ZNF273: variants seen among roughly 807,000 people sequenced by gnomAD.
The protein encoded by ZNF273 is zinc finger protein 9.
A neutral mutation model predicts 14.9 loss-of-function variants in ZNF273; 11 were observed. The ratio of observed to expected loss-of-function variants is 0.74; its 90% CI spans 0.46 to 1.22. The LOEUF is 1.22. Among genes scored for constraint, ZNF273 ranks in the 50% most tolerant of loss-of-function variants. The pLI is 0.00. For synonymous variants in ZNF273, 199 were observed against 223.9 expected (o/e 0.89, Z 0.99); for missense variants, 577 against 660.6 (o/e 0.87, Z 1.39).
Position 64,928,113 on chromosome 7 carries a change from A to G in ZNF273, c.785A>G (p.Tyr262Cys), listed in dbSNP as rs753353117. Residue 262 changes from tyrosine (Y) to cysteine (C), a missense_variant, in exon 4 of 4, where the codon TAC (tyrosine) becomes TGC (cysteine). Physicochemically the swap from Tyr to Cys is radical, Grantham distance 194 (BLOSUM62 -2). Coordinates refer to ENST00000476120, the MANE Select transcript of ZNF273 (RefSeq NM_021148.3). ...ATAATTCATCCTGAAGTGAATCCCT[A>G]CAAATGTGAAGAATGTGGCAAAGCC... ...HKIIHPEVNPYKCEECGKAFN... is the reference protein window; with the variant it reads ...HKIIHPEVNPCKCEECGKAFN... The G allele has an allele frequency of 2.6e-5, 42 of 1,613,458 alleles. No individual in the cohort carries two copies. Among genetic ancestry groups the G allele is most frequent in the African/African-American group, 1.6e-4 (12 of 74,926 alleles).
chr7:64,887,174 A>T (rs1791639167), intron 1 of ZNF273, among the ~76,000 whole-genome samples: 1 of 152,178 alleles, frequency 6.6e-6, no homozygotes, highest in African/African-American at 2.4e-5. Flanking sequence ...TAGGTCTATC[A>T]TTATTTTCTG....
intron 1 of ZNF273, 77 bp from the exon 2 acceptor site, chr7:64,917,504 A>T (rs1431934791): frequency 1.9e-6 from 3 of 1,547,600 alleles, no homozygotes; most frequent in Non-Finnish European, 1.8e-6. Flanking sequence ...TTACTTTCGC[A>T]TTCCACCTTG....
chr7:64,907,616 C>T (rs1158341285), intron 1 of ZNF273, among the ~76,000 whole-genome samples: 1 of 152,146 alleles, frequency 6.6e-6, no homozygotes, highest in Non-Finnish European at 1.5e-5. Context: ...GAATCAGGGT[C>T]TGTGCTGACC....
At chr7:64,916,095 C>G (rs752179124) in intron 1 of ZNF273, among the ~76,000 whole-genome samples, 104 of 152,012 alleles carry the variant, frequency 6.8e-4, no homozygotes, top group Non-Finnish European at 1.0e-3. Context: ...ACTAGGGAGA[C>G]TGAGGCAGGA....
chr7:64,899,761 G>GTTTT (rs370557127), upstream of ZNF273, among the ~76,000 whole-genome samples: 1 of 144,820 alleles, frequency 6.9e-6, no homozygotes, highest in Non-Finnish European at 1.5e-5. Context: ...TAATTTCAAG[G>GTTTT]TTTTTTTTTT....
intron 3 of ZNF273, among the ~76,000 whole-genome samples, chr7:64,925,095 C>T (rs909504862): frequency 6.6e-6 from 1 of 152,120 alleles, no homozygotes; most frequent in Non-Finnish European, 1.5e-5. Flanking sequence ...AGCCACCGTG[C>T]CTGGCCGATT....
chr7:64,930,799 G>A lies in ZNF273; in HGVS notation c.*1761G>A. On this transcript the variant is annotated 3_prime_UTR_variant, in exon 4 of 4. Transcript: ENST00000476120. ...TTTTATGCTGTATATGGCATGTTTT[G>A]ATACAGGTATATAATATGTAATAAT... The A allele has an allele frequency of 6.6e-6, 1 of 151,908 alleles. No individual in the cohort carries two copies. Among genetic ancestry groups the A allele is most frequent in the East Asian group, 1.9e-4 (1 of 5,170 alleles). The allele number at this position is 151,908 out of a possible 1,614,324, so 9.4% of individuals were successfully genotyped here.
chr7:64,927,610 C>T, intron 3 of ZNF273, 44 bp from the exon 4 acceptor site: 2 of 1,477,694 alleles, frequency 1.4e-6, no homozygotes, highest in Non-Finnish European at 1.8e-6. Flanking sequence ...GTATATTCAT[C>T]TGAGTCTAGT....
downstream of ZNF273, among the ~76,000 whole-genome samples, chr7:64,893,034 G>A (rs140557662): frequency 2.6e-5 from 4 of 152,190 alleles, no homozygotes; most frequent in East Asian, 5.8e-4. Context: ...CACAGCTGCC[G>A]GCATTCACCC....
At chr7:64,933,555 A>C (rs1171218313), downstream of ZNF273, 1 of 152,198 alleles carries the variant, frequency 6.6e-6, no homozygotes, top group Non-Finnish European at 1.5e-5. Flanking sequence ...CTTAAAGTAA[A>C]AACCCTAAAG....
intron 1 of ZNF273, among the ~76,000 whole-genome samples, chr7:64,885,477 G>A (rs1233018418): frequency 6.6e-6 from 1 of 152,258 alleles, no homozygotes; most frequent in African/African-American, 2.4e-5. Context: ...CTGTGGGAAA[G>A]TCCTCACGTT....
downstream of ZNF273, chr7:64,889,075 A>G: frequency 1.0e-6 from 1 of 985,976 alleles, no homozygotes; most frequent in Non-Finnish European, 1.2e-6. This position sits in a 1 kb window ranked among gnomAD's most constrained non-coding sequence, Gnocchi z 4.2. Context: ...CCTAGAGCGC[A>G]GCCGTTTTGC....
the ZNF273 span, among the ~76,000 whole-genome samples, chr7:64,936,194 A>G: frequency 6.6e-6 from 1 of 152,178 alleles, no homozygotes; most frequent in African/African-American, 2.4e-5. Flanking sequence ...TGGTCTTTCA[A>G]TTAGCAAAAG....
rs187042733 is a variant in ZNF273, at chr7:64,887,860, G to A, written n.274-713G>A. 1.3e-3 allele frequency among the ~76,000 whole-genome samples: 195 copies of A among 151,718 alleles called. 1 individual carries two copies. The highest frequency in any genetic ancestry group is 4.6e-3 in the African/African-American group (189 of 41,362). On this transcript the variant is annotated intron_variant and non_coding_transcript_variant, in intron 1 of 1. Transcript: ENST00000471926. ...TCTGAGCAGGGTGTCCTGCCCCAGG[G>A]TTCCCCTTGACCCATTTCAGAGGGG...
downstream of ZNF273, chr7:64,890,193 T>G (rs868825658): frequency 6.7e-5 from 2 of 29,702 alleles, no homozygotes; most frequent in Non-Finnish European, 1.3e-4. Flanking sequence ...GTTAGGGGTG[T>G]GTGTGTGTGT....
chr7:64,894,827 G>C (rs17708491), downstream of ZNF273, among the ~76,000 whole-genome samples: 47,718 of 151,970 alleles, frequency 0.31, 8,517 homozygotes, highest in Non-Finnish European at 0.38. Flanking sequence ...GTTTTACTTA[G>C]TAGTTATATA....
At chr7:64,899,130 G>T (rs1268113663), upstream of ZNF273, among the ~76,000 whole-genome samples, 8 of 152,118 alleles carry the variant, frequency 5.3e-5, 1 homozygote, top group Non-Finnish European at 1.2e-4. Flanking sequence ...CCTTCAAATT[G>T]TTTAGCCAGA....
At chr7:64,918,929 C>T (rs548335673) in intron 3 of ZNF273, among the ~76,000 whole-genome samples, 8 of 152,182 alleles carry the variant, frequency 5.3e-5, no homozygotes, top group African/African-American at 1.4e-4. Context: ...CAGATATCTG[C>T]ATAATTTTGA....
At chr7:64,898,169 A>C (rs916337409) in intron 4 of ZNF273, 1 of 152,226 alleles carries the variant, frequency 6.6e-6, no homozygotes, top group Non-Finnish European at 1.5e-5. Flanking sequence ...TACTTCATAC[A>C]AGTCTTACCT....
Sources: gnomAD v4.1 joint callset for allele counts (sites outside exome capture counted in the v4.1 genomes callset) on GRCh38, gnomAD v4.1.1 for gene constraint, Gnocchi (gnomAD v3.1) non-coding constraint, MANE v1.5 for transcripts, NCBI Gene and HGNC (gene_info 2026-07-23, HGNC 2026-07-21) for gene names.